SIGLEC1: variants seen among roughly 807,000 people sequenced by gnomAD.
SIGLEC1 encodes the protein sialoadhesin.
SIGLEC1 carries 132 observed loss-of-function variants against 148.0 expected under a neutral mutation model. The ratio of observed to expected loss-of-function variants is 0.89; its 90% confidence interval spans 0.77 to 1.03. The LOEUF is 1.03. SIGLEC1 is among the 50% of genes least tolerant of loss of function. The pLI is 0.00. For missense variants in SIGLEC1, 2,253 were observed against 2,271.4 expected, an observed-to-expected ratio of 0.99 and a Z score of 0.16; for synonymous variants, 945 against 969.0, an observed-to-expected ratio of 0.98 and a Z score of 0.46.
Position 3,703,865 on chromosome 20 carries a change from C to T in SIGLEC1, c.933G>A (p.Val311=). The change falls in exon 5 of 22, where the codon GTG becomes GTA. Residue 311 remains valine, a synonymous_variant. Transcript: ENST00000344754. ...TGATGGGGGGTGAGACCAAAGAGCC[C>T]ACGCCGTTCTCAGCTTGGCAGGTGT... The part of the protein sequence containing the change: ...GVYTCQAENG[V]GSLVSPPISL... 6.2e-7 allele frequency: 1 copy of T among 1,614,068 alleles called. No homozygotes were observed. The highest frequency in any genetic ancestry group is 1.1e-5 in the South Asian group (1 of 91,086).
rs370494129 is a variant in SIGLEC1, at chr20:3,706,557, G to A, written c.199C>T (p.Arg67Trp). Residue 67 changes from arginine to tryptophan, a missense_variant, in exon 3 of 22, where the codon CGG becomes TGG. Physicochemically the swap from Arg to Trp is moderately radical, Grantham distance 101. Transcript: ENST00000344754. The part of the protein sequence containing the change: ...AIWYYDYSGQ[R>W]QVVSHSADPK... ...TCCGCCGAGTGGCTCACCACCTGCC[G>A]CTGGCCCGAGTAGTCGTAGTACCAG... 8 of 1,612,800 alleles carry A rather than the reference G, an allele frequency of 5.0e-6. No homozygotes were observed. The African/African-American group carries it at 5.3e-5, about 11-fold the overall frequency.
chr20:3,707,183 C>G lies in SIGLEC1; in HGVS notation c.-55G>C. 1 of 1,571,174 alleles carries G rather than the reference C, an allele frequency of 6.4e-7. No homozygotes were observed. Among genetic ancestry groups the G allele is most frequent in the Non-Finnish European group, 8.8e-7 (1 of 1,142,756 alleles). ...AAGAGGGTGGTGCGCACTGCGCTGGCTGGGCTCACAGGGGCCTCCAGGGAC... is the reference window on the plus strand; with the variant it reads ...AAGAGGGTGGTGCGCACTGCGCTGGGTGGGCTCACAGGGGCCTCCAGGGAC... On this transcript the variant is annotated 5_prime_UTR_variant, in exon 2 of 22. Coordinates refer to ENST00000344754, the MANE Select transcript of SIGLEC1 (RefSeq NM_023068.4).
intron 11 of SIGLEC1, among the ~76,000 whole-genome samples, chr20:3,695,387 G>A (rs754525): frequency 0.053 from 8,094 of 152,328 alleles, 306 homozygotes; most frequent in East Asian, 0.11. Flanking sequence ...GGGAATGTTA[G>A]CAGCTATGTT....
chr20:3,687,666 C>G lies in SIGLEC1; in HGVS notation c.*894G>C, dbSNP rs1262284524. 2.6e-5 allele frequency: 4 copies of G among 152,260 alleles called. No individual in the cohort carries two copies. The highest frequency in any genetic ancestry group is 2.1e-4 in the South Asian group (1 of 4,832). 9.4% of individuals were successfully genotyped at this position (152,260 alleles called of 1,614,324 possible). On this transcript the variant is annotated 3_prime_UTR_variant, in exon 22 of 22. Transcript: ENST00000344754. The stretch of plus-strand genomic sequence containing the variant: ...CAACCAGAATGGCCAGGGGCACACC[C>G]TGGCCCTCAGTAGATGGGCACTGAG...
chr20:3,703,403 G>A lies in SIGLEC1; in HGVS notation c.1022C>T (p.Thr341Ile). The A allele has an allele frequency of 6.2e-7, 1 of 1,601,568 alleles. No homozygotes were observed. Among genetic ancestry groups the A allele is most frequent in the South Asian group, 1.1e-5 (1 of 88,488 alleles). Residue 341 changes from threonine to isoleucine, a missense_variant, in exon 6 of 22, where the codon ACA (threonine) becomes ATA (isoleucine). Coordinates refer to ENST00000344754, the MANE Select transcript of SIGLEC1 (RefSeq NM_023068.4). ...SPAGPILENQTVTLVCNTPNE... is the reference protein window; with the variant it reads ...SPAGPILENQIVTLVCNTPNE... ...GGGTGTGTTGCAGACTAGTGTCACTGTCTGGTTCTCCAGGATGGGACCTGC... is the reference window on the plus strand; with the variant it reads ...GGGTGTGTTGCAGACTAGTGTCACTATCTGGTTCTCCAGGATGGGACCTGC...
At chr20:3,694,990 C>A in intron 11 of SIGLEC1, 67 bp from the exon 12 acceptor site, 1 of 1,509,676 alleles carries the variant, frequency 6.6e-7, no homozygotes, top group Non-Finnish European at 9.0e-7. Context: ...GGACCATGTG[C>A]GTGTCCACCT....
intron 21 of SIGLEC1, 105 bp downstream of exon 21, chr20:3,689,050 C>A (rs41279384): frequency 9.0e-6 from 9 of 1,001,324 alleles, no homozygotes; most frequent in Non-Finnish European, 1.4e-5. Context: ...CCCAACCTCC[C>A]CTTGGTCCCA....
At position 3,691,022 on chromosome 20, in the gene SIGLEC1, A is replaced by T. The variant is rs554693108; in HGVS notation, c.4591+318T>A. On this transcript the variant is annotated intron_variant, in intron 18 of 21. Transcript: ENST00000344754. ...ATTCTTGTATTTTTAGTAGAGACGG[A>T]GTTTCGCCATATTGACCAGGCTAGT... Among the ~76,000 whole-genome samples the T allele has an allele frequency of 5.7e-4, 87 of 151,754 alleles. No homozygotes were observed. The South Asian group carries it at 0.018, about 31-fold the overall frequency.
At chr20:3,711,999 T>C (rs2087931237) in intron 1 of SIGLEC1, among the ~76,000 whole-genome samples, 1 of 151,260 alleles carries the variant, frequency 6.6e-6, no homozygotes, top group Non-Finnish European at 1.5e-5. Flanking sequence ...GGTTGAGTGA[T>C]GGGTGGGGGT....
At position 3,694,536 on chromosome 20, in the gene SIGLEC1, C is replaced by A. The variant is rs763452483; in HGVS notation, c.2945-4G>T. 1 of 1,559,608 alleles carries A rather than the reference C, an allele frequency of 6.4e-7. No individual in the cohort carries two copies. The highest frequency in any genetic ancestry group is 8.7e-7 in the Non-Finnish European group (1 of 1,150,248). On this transcript the variant is annotated splice_region_variant and splice_polypyrimidine_tract_variant and intron_variant, in intron 12 of 21. Transcript: ENST00000344754. ...AGTGTGACGTGGCGTGGGGCATCTACACAGGGTGGGGAGTGGTCAGGACCC... is the reference window on the plus strand; with the variant it reads ...AGTGTGACGTGGCGTGGGGCATCTAAACAGGGTGGGGAGTGGTCAGGACCC...
rs762185683 is a variant in SIGLEC1 at position 3,694,665 on chromosome 20, G to A, written c.2942C>T (p.Ser981Phe). The change falls in exon 12 of 22, where the codon TCC (serine) becomes TTC (phenylalanine). Residue 981 changes from serine to phenylalanine, a missense_variant and splice_region_variant. Ser to Phe is a radical substitution (Grantham distance 155, BLOSUM62 -2). Transcript: ENST00000344754. ...CTGGATGGGACAAAAGTCCTTACAG[G>A]ACACGTGGAGGCTGATGGGTGCAGC... ...SLAAPISLHVSYAPRHVTLTT... is the reference protein window; with the variant it reads ...SLAAPISLHVFYAPRHVTLTT... 1.1e-5 allele frequency: 18 copies of A among 1,611,512 alleles called. No individual in the cohort carries two copies. Among genetic ancestry groups the A allele is most frequent in the Middle Eastern group, 3.3e-4 (2 of 6,050 alleles).
At chr20:3,694,576 C>T in intron 12 of SIGLEC1, 44 bp from the exon 13 acceptor site, 1 of 1,557,098 alleles carries the variant, frequency 6.4e-7, no homozygotes, top group Non-Finnish European at 8.7e-7. Context: ...AGGGGGGTCC[C>T]TCATCCAGGG....
chr20:3,700,565 C>T (rs1456618517), intron 7 of SIGLEC1, among the ~76,000 whole-genome samples: 1 of 151,988 alleles, frequency 6.6e-6, no homozygotes, highest in Non-Finnish European at 1.5e-5. Context: ...GCCTGGGCAA[C>T]AGAGCAACAC....
At position 3,692,747 on chromosome 20, in the gene SIGLEC1, C is replaced by T. The variant is rs757505421; in HGVS notation, c.3804G>A (p.Glu1268=). 6.2e-7 allele frequency: 1 copy of T among 1,611,546 alleles called. No homozygotes were observed. The highest frequency in any genetic ancestry group is 1.1e-5 in the South Asian group (1 of 91,060). The change falls in exon 16 of 22, where the codon GAG becomes GAA. Residue 1268 remains glutamate, a synonymous_variant. Coordinates refer to ENST00000344754, the MANE Select transcript of SIGLEC1 (RefSeq NM_023068.4). The part of the protein sequence containing the change: ...LEGVRVILAP[E]AAVPEGAPIT... ...TGGGGGCACCTTCAGGCACGGCAGC[C>T]TCCGGAGCCAGGATCACCCGCACAC... is the stretch of plus-strand genomic sequence containing the variant.
intron 11 of SIGLEC1, among the ~76,000 whole-genome samples, chr20:3,695,465 G>A (rs993207100): frequency 1.4e-4 from 21 of 152,290 alleles, no homozygotes; most frequent in African/African-American, 5.1e-4. Context: ...AGGACCTGGG[G>A]ACCAGGCAAA....
At chr20:3,704,563 G>T (rs767821812) in intron 4 of SIGLEC1, among the ~76,000 whole-genome samples, 20 of 152,224 alleles carry the variant, frequency 1.3e-4, no homozygotes, top group Non-Finnish European at 2.4e-4. Context: ...ACAACACAAA[G>T]AACTGCATTT....
chr20:3,689,917 G>T (rs531629896), intron 19 of SIGLEC1, 45 bp downstream of exon 19: 1 of 1,528,858 alleles, frequency 6.5e-7, no homozygotes, highest in South Asian at 1.2e-5. Flanking sequence ...TAAGAGCTGG[G>T]CTTTTGTGCA....
At chr20:3,707,472 G>C (rs369213671) in intron 1 of SIGLEC1, among the ~76,000 whole-genome samples, 1 of 152,130 alleles carries the variant, frequency 6.6e-6, no homozygotes, top group African/African-American at 2.4e-5. Flanking sequence ...CCCTAAGGCA[G>C]ATGAACAGCT....
chr20:3,689,454 G>A, intron 20 of SIGLEC1, 146 bp downstream of exon 20: 1 of 662,132 alleles, frequency 1.5e-6, no homozygotes, highest in Admixed American at 2.8e-5. Flanking sequence ...ATTCTAGAAG[G>A]GATTTCCAAT....
Sources: allele counts gnomAD v4.1 joint callset (sites outside exome capture counted in the v4.1 genomes callset), GRCh38; gene constraint gnomAD v4.1.1; transcripts MANE v1.5; gene names NCBI Gene and HGNC (gene_info 2026-07-23, HGNC 2026-07-21).